The following TTLL5 variants were observed in gnomAD, a reference collection of about 807,000 sequenced individuals.
TTLL5 encodes the protein tubulin polyglutamylase TTLL5.
A neutral mutation model predicts 168.4 loss-of-function variants in TTLL5; 132 were observed. The ratio of observed to expected loss-of-function variants is 0.78; its 90% CI spans 0.68 to 0.91. TTLL5 has a LOEUF of 0.91. Ranked by LOEUF, TTLL5 falls within the 40% of genes least tolerant of loss-of-function variation. The pLI, the probability that TTLL5 is intolerant of heterozygous loss-of-function variation, is 0.00. For synonymous variants in TTLL5, 546 were observed against 558.6 expected (o/e 0.98, Z 0.32); for missense variants, 1,545 against 1,581.5 (o/e 0.98, Z 0.39).
chr14:75,814,145 CAA>C (rs1894237319), intron 27 of TTLL5, among the ~76,000 whole-genome samples: 1 of 152,072 alleles, frequency 6.6e-6, no homozygotes. Flanking sequence ...TTCCAAAATA[CAA>C]AAAAATCTGA....
chr14:75,739,133 T>G (rs1235409533), intron 15 of TTLL5, among the ~76,000 whole-genome samples: 1 of 152,060 alleles, frequency 6.6e-6, no homozygotes, highest in African/African-American at 2.4e-5. Flanking sequence ...TAATCTTAAT[T>G]TCTCATTATC....
chr14:75,784,663 C>G (rs1006927438), intron 26 of TTLL5, among the ~76,000 whole-genome samples: 1 of 152,194 alleles, frequency 6.6e-6, no homozygotes, highest in Non-Finnish European at 1.5e-5. Context: ...TGAGGAACTT[C>G]TAAACTGTTT....
At chr14:75,793,628 G>T (rs767165725) in intron 27 of TTLL5, among the ~76,000 whole-genome samples, 1 of 152,184 alleles carries the variant, frequency 6.6e-6, no homozygotes, top group Non-Finnish European at 1.5e-5. Context: ...TGAAATAAGT[G>T]ATGTGATCAA....
At chr14:75,877,150 A>G (rs1002941277) in intron 29 of TTLL5, among the ~76,000 whole-genome samples, 1 of 152,200 alleles carries the variant, frequency 6.6e-6, no homozygotes, top group East Asian at 1.9e-4. Flanking sequence ...GCGTTTGCCT[A>G]CTTTATCCCC....
At chr14:75,942,968 A>T (rs980569968) in intron 31 of TTLL5, among the ~76,000 whole-genome samples, 1 of 152,216 alleles carries the variant, frequency 6.6e-6, no homozygotes, top group Non-Finnish European at 1.5e-5. Flanking sequence ...AAGTGAGTGT[A>T]TAAAGACAGT....
intron 30 of TTLL5, among the ~76,000 whole-genome samples, chr14:75,889,990 A>G (rs1237577832): frequency 6.6e-6 from 1 of 152,192 alleles, no homozygotes; most frequent in Non-Finnish European, 1.5e-5. Context: ...CATAATCTTC[A>G]TCATTTTCAT....
chr14:75,926,073 G>A (rs964595704), intron 31 of TTLL5, among the ~76,000 whole-genome samples: 2 of 149,854 alleles, frequency 1.3e-5, no homozygotes, highest in Non-Finnish European at 2.9e-5. Flanking sequence ...TGGGCCGTGG[G>A]CCGTGGGCCG....
At chr14:75,737,507 G>A in intron 15 of TTLL5, 1 of 1,487,874 alleles carries the variant, frequency 6.7e-7, no homozygotes, top group East Asian at 2.5e-5. Flanking sequence ...CTAGGAGATG[G>A]AAAATGTAGG....
At chr14:75,877,062 C>A (rs986451257) in intron 29 of TTLL5, among the ~76,000 whole-genome samples, 3 of 152,176 alleles carry the variant, frequency 2.0e-5, no homozygotes, top group Non-Finnish European at 4.4e-5. Context: ...GGGGAGAATA[C>A]TGCATAGAAA....
intron 31 of TTLL5, among the ~76,000 whole-genome samples, chr14:75,941,843 C>CTTTTT (rs71122506): frequency 1.0e-4 from 7 of 69,402 alleles, no homozygotes; most frequent in Admixed American, 2.0e-4. Flanking sequence ...TCATGATGAA[C>CTTTTT]TTTTTTTTTT....
chr14:75,788,996 A>G (rs4903347), intron 26 of TTLL5, among the ~76,000 whole-genome samples: 18,227 of 152,142 alleles, frequency 0.12, 1,458 homozygotes, highest in East Asian at 0.4. Context: ...AGAAAAAACC[A>G]TATTCTTCAT....
chr14:75,761,861 A>G (rs1025685770), intron 18 of TTLL5, among the ~76,000 whole-genome samples: 1 of 152,228 alleles, frequency 6.6e-6, no homozygotes, highest in Non-Finnish European at 1.5e-5. Flanking sequence ...CTATAAAACA[A>G]TTATTGAACT....
Position 75,823,338 on chromosome 14 carries a change from A to G in TTLL5, c.3326+3177A>G, listed in dbSNP as rs181988164. Among the ~76,000 whole-genome samples the G allele has an allele frequency of 4.2e-3, 642 of 152,322 alleles. 6 individuals carry two copies. Among genetic ancestry groups the G allele is most frequent in the African/African-American group, 0.015 (621 of 41,574 alleles). ...ATCTCATCATTACTGCCAGCCTTCCATGGAATTGGACTGCATCAGGGAGGA... is the reference window on the plus strand; with the variant it reads ...ATCTCATCATTACTGCCAGCCTTCCGTGGAATTGGACTGCATCAGGGAGGA... On this transcript the variant is annotated intron_variant, in intron 28 of 31. Transcript: ENST00000298832.
At chr14:75,765,878 TGAAAAC>T (rs1051987716) in intron 19 of TTLL5, among the ~76,000 whole-genome samples, 178 bp from the exon 20 acceptor site, 1 of 151,894 alleles carries the variant, frequency 6.6e-6, no homozygotes, top group African/African-American at 2.4e-5. Context: ...TGATAATAAA[TGAAAAC>T]AAAAATAAAT....
chr14:75,761,116 A>AT (rs1376015871), intron 18 of TTLL5, among the ~76,000 whole-genome samples: 1 of 152,150 alleles, frequency 6.6e-6, no homozygotes, highest in Non-Finnish European at 1.5e-5. Flanking sequence ...ATGAGTAGCC[A>AT]ATATGCTTAT....
chr14:75,813,270 T>TTGTG (rs58821426), intron 27 of TTLL5, among the ~76,000 whole-genome samples: 1,743 of 130,668 alleles, frequency 0.013, 22 homozygotes, highest in Middle Eastern at 0.027. Flanking sequence ...GTGTGTGTGT[T>TTGTG]TGTGTGTGTG....
At chr14:75,709,401 T>C (rs1566822903) in intron 9 of TTLL5, 2 of 541,634 alleles carry the variant, frequency 3.7e-6, no homozygotes, top group East Asian at 5.9e-5. Flanking sequence ...CGTTCGCCTC[T>C]AGGTGGCAGT....
At chr14:75,797,619 A>T (rs762668675) in intron 27 of TTLL5, among the ~76,000 whole-genome samples, 1 of 152,104 alleles carries the variant, frequency 6.6e-6, no homozygotes, top group Admixed American at 6.6e-5. Flanking sequence ...GGTTTTAATC[A>T]TGAAGAGATG....
intron 2 of TTLL5, among the ~76,000 whole-genome samples, chr14:75,667,751 G>GTTTTTTTTTTTTTTT (rs67181555): frequency 4.5e-5 from 4 of 89,092 alleles, no homozygotes; most frequent in Admixed American, 1.6e-4. Context: ...ATCTTTTTAT[G>GTTTTTTTTTTTTTTT]TTTTTTTTTT....
Sources: gnomAD v4.1 joint callset for allele counts (sites outside exome capture counted in the v4.1 genomes callset) on GRCh38, gnomAD v4.1.1 for gene constraint, MANE v1.5 for transcripts, NCBI Gene and HGNC (gene_info 2026-07-23, HGNC 2026-07-21) for gene names.